EIF4G2: variants seen among roughly 807,000 people sequenced by gnomAD.
EIF4G2 encodes the protein eukaryotic translation initiation factor 4 gamma 2.
A neutral mutation model predicts 117.7 loss-of-function variants in EIF4G2; 8 were observed. That is an observed-to-expected ratio of 0.07 (90% CI 0.04 to 0.12). The LOEUF (loss-of-function observed/expected upper bound fraction) is 0.12, where lower values mean the gene tolerates loss of function less well. Ranked by LOEUF, EIF4G2 falls within the 10% of genes least tolerant of loss-of-function variation. The pLI is 1.00. For synonymous variants in EIF4G2, 413 were observed against 367.8 expected (o/e 1.12, Z -1.41); for missense variants, 812 against 1,086.2 (o/e 0.75, Z 3.55).
At chr11:10,807,666 ACT>A (rs1156618413) in intron 1 of EIF4G2, 2 of 1,023,270 alleles carry the variant, frequency 2.0e-6, no homozygotes, top group Non-Finnish European at 2.3e-6. Context: ...AAAACTGAGC[ACT>A]GAGATCAATA....
At chr11:10,801,139 A>G (rs1192127657) in intron 14 of EIF4G2, 52 bp from the exon 15 acceptor site, 12 of 1,607,260 alleles carry the variant, frequency 7.5e-6, no homozygotes, top group Middle Eastern at 1.7e-4. Flanking sequence ...GTTGGCGAAC[A>G]TATTAAATAC....
In EIF4G2 at chr11:10,804,344, A is replaced by G; in HGVS notation, c.426T>C (p.Asp142=). ...CTGCTGGGCCATCAAAGTTTGGTGC[A>G]TCTTCTGCCAATCGCAGACATAGCT... Residue 142 remains aspartate, a synonymous_variant, in exon 6 of 22, where the codon GAT becomes GAC. Coordinates refer to ENST00000339995, the MANE Select transcript of EIF4G2 (RefSeq NM_001418.4). The G allele has an allele frequency of 9.3e-6, 15 of 1,614,222 alleles. No homozygotes were observed. The highest frequency in any genetic ancestry group is 1.3e-5 in the Non-Finnish European group (15 of 1,180,036).
intron 1 of EIF4G2, chr11:10,808,220 A>T (rs761765886): frequency 2.0e-4 from 222 of 1,133,716 alleles, no homozygotes; most frequent in South Asian, 2.8e-4. Context: ...AGAAATCATC[A>T]CTCTCTCTTT....
chr11:10,808,446 C>T, intron 1 of EIF4G2: 1 of 1,263,230 alleles, frequency 7.9e-7, no homozygotes, highest in Non-Finnish European at 1.0e-6. Flanking sequence ...GGCCTCGTCC[C>T]TGCAGGCGTC....
intron 3 of EIF4G2, chr11:10,806,292 G>T (rs542753709): frequency 1.8e-6 from 1 of 544,310 alleles, no homozygotes; most frequent in African/African-American, 1.9e-5. Flanking sequence ...CTAAGAATTT[G>T]CATGTCTAGT....
Position 10,800,356 on chromosome 11 carries a change from G to T in EIF4G2, c.1861-8C>A. 1.2e-6 allele frequency: 2 copies of T among 1,613,246 alleles called. No individual in the cohort carries two copies. Among genetic ancestry groups the T allele is most frequent in the South Asian group, 1.1e-5 (1 of 91,064 alleles). The stretch of plus-strand genomic sequence containing the variant: ...CAATACATTCAGGAAAGCCTTGAAA[G>T]AAATATACAACAGTTTATCAGTTTT... On this transcript the variant is annotated splice_polypyrimidine_tract_variant and splice_region_variant and intron_variant, in intron 17 of 21. Transcript: ENST00000339995.
At chr11:10,806,085 A>C (rs1298092418) in intron 3 of EIF4G2, 38 bp from the exon 4 acceptor site, 1 of 1,612,240 alleles carries the variant, frequency 6.2e-7, no homozygotes, top group Non-Finnish European at 8.5e-7. Context: ...TTATTGTCAC[A>C]CACCAAATGT....
In EIF4G2 at chr11:10,804,119, A is replaced by G. The variant is rs1199209675; in HGVS notation, c.550+18T>C. On this transcript the variant is annotated intron_variant, in intron 7 of 21. Coordinates refer to ENST00000339995, the MANE Select transcript of EIF4G2 (RefSeq NM_001418.4). ...CTGAAAATATACAGTAGTACTTATT[A>G]TCAGCTATAAGTCTTACCATCAACA... 1.2e-6 allele frequency: 2 copies of G among 1,613,786 alleles called. No individual in the cohort carries two copies. The highest frequency in any genetic ancestry group is 1.3e-5 in the African/African-American group (1 of 74,928).
In EIF4G2 at chr11:10,808,334, G is replaced by A. The variant is rs977011446; in HGVS notation, c.-87+371C>T. On this transcript the variant is annotated intron_variant, in intron 1 of 21. Transcript: ENST00000339995. ...TGCGGTTCCCTGGTCCCGCGCCAAC[G>A]GCCTGGCCTTCCCTGCCGGCCCGCG... 1.6e-5 allele frequency: 19 copies of A among 1,197,382 alleles called. No individual in the cohort carries two copies. In the East Asian group the frequency reaches 2.5e-4, roughly 16 times the overall value. 74.2% of individuals were successfully genotyped at this position (1,197,382 alleles called of 1,614,324 possible). A position where few individuals can be genotyped will look rare whatever the true frequency, so the allele number is the denominator to read the frequency against.
At position 10,803,771 on chromosome 11, in the gene EIF4G2, A is replaced by T; in HGVS notation, c.702+128T>A. On this transcript the variant is annotated intron_variant, in intron 8 of 21. Transcript: ENST00000339995. The surrounding 1 kb of genome is among the most constrained non-coding windows in gnomAD (Gnocchi z 4.0). ...TTTGTCAAACACACCACGTATTTCA[A>T]ATTATTCTGTTTAGTAAATTTTGTT... The T allele has an allele frequency of 7.7e-7, 1 of 1,297,764 alleles. No individual in the cohort carries two copies. Among genetic ancestry groups the T allele is most frequent in the Non-Finnish European group, 1.1e-6 (1 of 938,270 alleles). 80.4% of individuals were successfully genotyped at this position (1,297,764 alleles called of 1,614,324 possible).
At chr11:10,808,338 TGGCCTTCCCTGCC>T (rs1199437110) in intron 1 of EIF4G2, 10 of 1,194,162 alleles carry the variant, frequency 8.4e-6, no homozygotes, top group Non-Finnish European at 1.1e-5. Context: ...GCCAACGGCC[TGGCCTTCCCTGCC>T]GGCCCGCGTG....
At position 10,797,734 on chromosome 11, in the gene EIF4G2, G is replaced by T; in HGVS notation, c.*82C>A. On this transcript the variant is annotated 3_prime_UTR_variant, in exon 22 of 22. Coordinates refer to ENST00000339995, the MANE Select transcript of EIF4G2 (RefSeq NM_001418.4). The surrounding 1 kb of genome is among the most constrained non-coding windows in gnomAD (Gnocchi z 4.5). Reference sequence around the variant, plus strand: ...TATTGTGAAAACATTACAGCGGAATGAATTTTCGCAGTGGTTAGGTCAAAT... The same window carrying T: ...TATTGTGAAAACATTACAGCGGAATTAATTTTCGCAGTGGTTAGGTCAAAT... The T allele has an allele frequency of 1.5e-6, 2 of 1,363,754 alleles. No homozygotes were observed. The highest frequency in any genetic ancestry group is 3.7e-5 in the Admixed American group (2 of 54,536). The allele number at this position is 1,363,754 out of a possible 1,614,324, so 84.5% of individuals were successfully genotyped here.
chr11:10,805,511 C>T (rs1590044461), intron 4 of EIF4G2, among the ~76,000 whole-genome samples: 1 of 151,668 alleles, frequency 6.6e-6, no homozygotes, highest in Non-Finnish European at 1.5e-5. Context: ...AGTGCAGTGG[C>T]GTGATCTCGG....
intron 1 of EIF4G2, chr11:10,808,202 A>C (rs1847648155): frequency 6.2e-6 from 7 of 1,124,440 alleles, no homozygotes; most frequent in Non-Finnish European, 7.7e-6. Flanking sequence ...TCTGCTGACA[A>C]AAGGGGCAGA....
In EIF4G2 at chr11:10,807,384, G is replaced by A. The variant is rs1029717400; in HGVS notation, c.-86-3C>T. On this transcript the variant is annotated splice_polypyrimidine_tract_variant and splice_region_variant and intron_variant, in intron 1 of 21. Transcript: ENST00000339995. ...AGGGGACAGGAGAAATGAAATACCTGGAACGAGAAAGAGCACCAAAATTAG... is the reference window on the plus strand; with the variant it reads ...AGGGGACAGGAGAAATGAAATACCTAGAACGAGAAAGAGCACCAAAATTAG... 1.3e-6 allele frequency: 2 copies of A among 1,593,266 alleles called. No homozygotes were observed. The highest frequency in any genetic ancestry group is 1.4e-5 in the African/African-American group (1 of 73,924).
rs1445727278 is a variant in EIF4G2 at position 10,807,015 on chromosome 11, G to A, written c.42-130C>T. ...GCTATTTTGCCCAGACTGGAGCCAG[G>A]CCTGTATTTTAGTGCTTGTATATTA... On this transcript the variant is annotated intron_variant, in intron 2 of 21. Coordinates refer to ENST00000339995, the MANE Select transcript of EIF4G2 (RefSeq NM_001418.4). 5.0e-6 allele frequency: 6 copies of A among 1,211,536 alleles called. No homozygotes were observed. The East Asian group carries it at 9.6e-5, about 19-fold the overall frequency. The allele number at this position is 1,211,536 out of a possible 1,614,324, so 75.0% of individuals were successfully genotyped here.
In EIF4G2 at chr11:10,797,186, A is replaced by C. The variant is rs561841151; in HGVS notation, c.*630T>G. 6.5e-6 allele frequency: 1 copy of C among 152,788 alleles called. No individual in the cohort carries two copies. The highest frequency in any genetic ancestry group is 1.9e-4 in the East Asian group (1 of 5,184). 9.5% of individuals were successfully genotyped at this position (152,788 alleles called of 1,614,324 possible). On this transcript the variant is annotated 3_prime_UTR_variant, in exon 22 of 22. Coordinates refer to ENST00000339995, the MANE Select transcript of EIF4G2 (RefSeq NM_001418.4). The surrounding 1 kb of genome is among the most constrained non-coding windows in gnomAD (Gnocchi z 4.5). Reference sequence around the variant, plus strand: ...AATTCAAATTCTCACCATTTGTTTCACACCCACAAAAACCACTTCAAGGGC... The same window carrying C: ...AATTCAAATTCTCACCATTTGTTTCCCACCCACAAAAACCACTTCAAGGGC...
intron 1 of EIF4G2, chr11:10,808,382 GGTCCGAGCCACGCTCCCTCGCC>G (rs1326801523): frequency 8.1e-7 from 1 of 1,236,580 alleles, no homozygotes; most frequent in African/African-American, 1.6e-5. Flanking sequence ...CGGCGCTAGC[GGTCCGAGCCACGCTCCCTCGCC>G]GTCCGAGCAC....
intron 2 of EIF4G2, 180 bp from the exon 3 acceptor site, chr11:10,807,065 G>C: frequency 8.8e-7 from 1 of 1,137,484 alleles, no homozygotes; most frequent in Non-Finnish European, 1.2e-6. Flanking sequence ...ACTGAACTCG[G>C]ACCCAAAGGA....
Sources: allele counts gnomAD v4.1 joint callset (sites outside exome capture counted in the v4.1 genomes callset), GRCh38; gene constraint gnomAD v4.1.1; non-coding constraint Gnocchi (gnomAD v3.1); transcripts MANE v1.5; gene names NCBI Gene and HGNC (gene_info 2026-07-23, HGNC 2026-07-21).